KLF15: variants seen among roughly 807,000 people sequenced by gnomAD.
KLF15 encodes KLF transcription factor 15, also known as Krueppel-like factor 15.
Under a neutral mutation model 24.6 loss-of-function variants are expected in KLF15, and 4 were observed. That is an observed-to-expected ratio of 0.16 (90% confidence interval 0.08 to 0.37). The LOEUF (loss-of-function observed/expected upper bound fraction) is 0.37. Among genes scored for constraint, KLF15 ranks in the 10% least tolerant of loss-of-function variants. KLF15 has a pLI of 1.00. For synonymous variants in KLF15, 246 were observed against 236.3 expected, an observed-to-expected ratio of 1.04 and a Z score of -0.37; for missense variants, 496 against 560.6, an observed-to-expected ratio of 0.88 and a Z score of 1.16.
the KLF15 span, among the ~76,000 whole-genome samples, chr3:126,294,665 GC>G: frequency 1.3e-5 from 2 of 152,050 alleles, no homozygotes; most frequent in Non-Finnish European, 2.9e-5. Flanking sequence ...CTCTAACTTT[GC>G]CCCATCTCTG....
chr3:126,315,508 G>A, the KLF15 span, among the ~76,000 whole-genome samples: 1 of 152,238 alleles, frequency 6.6e-6, no homozygotes, highest in South Asian at 2.1e-4. Context: ...GAAGTTCCCA[G>A]ACATTGGGAT....
At chr3:126,295,028 G>C in the KLF15 span, among the ~76,000 whole-genome samples, 1 of 151,932 alleles carries the variant, frequency 6.6e-6, no homozygotes, top group Non-Finnish European at 1.5e-5. Flanking sequence ...ACATACACAT[G>C]TGCACATATA....
chr3:126,322,662 A>G, the KLF15 span, among the ~76,000 whole-genome samples: 1 of 152,172 alleles, frequency 6.6e-6, no homozygotes, highest in Non-Finnish European at 1.5e-5. Flanking sequence ...CTCAATTGTG[A>G]AGGTCCACCA....
downstream of KLF15, among the ~76,000 whole-genome samples, chr3:126,340,460 G>A (rs2082471671): frequency 6.6e-6 from 1 of 152,250 alleles, no homozygotes; most frequent in Non-Finnish European, 1.5e-5. Flanking sequence ...AGTCTGCTGT[G>A]CCAGCCCAGG....
the KLF15 span, among the ~76,000 whole-genome samples, chr3:126,308,638 CAG>C: frequency 6.6e-6 from 1 of 152,188 alleles, no homozygotes; most frequent in African/African-American, 2.4e-5. Context: ...GAAGGCCTCA[CAG>C]GGGCATTTTC....
At chr3:126,354,150 G>C (rs2082612096) in intron 1 of KLF15, 2 of 152,350 alleles carry the variant, frequency 1.3e-5, no homozygotes, top group Admixed American at 1.3e-4. Flanking sequence ...AGAAGGGAAA[G>C]CTGCATCCTC....
Position 126,343,640 on chromosome 3 carries a change from C to G in KLF15, c.*87G>C. Reference sequence around the variant, plus strand: ...GGGCTGGTAACATTGCCATGTCCCTCTGGAGGAGGCAAATAAATTATTGCT... The same window carrying G: ...GGGCTGGTAACATTGCCATGTCCCTGTGGAGGAGGCAAATAAATTATTGCT... On this transcript the variant is annotated 3_prime_UTR_variant, in exon 3 of 3. Transcript: ENST00000296233. 4 of 1,363,226 alleles carry G rather than the reference C, an allele frequency of 2.9e-6. No individual in the cohort carries two copies. The highest frequency in any genetic ancestry group is 4.1e-6 in the Non-Finnish European group (4 of 981,590). 84.4% of individuals were successfully genotyped at this position (1,363,226 alleles called of 1,614,324 possible). A position where few individuals can be genotyped will look rare whatever the true frequency, so the allele number is the denominator to read the frequency against.
chr3:126,349,037 G>A (rs1005841306), intron 2 of KLF15, among the ~76,000 whole-genome samples: 1 of 152,084 alleles, frequency 6.6e-6, no homozygotes, highest in African/African-American at 2.4e-5. Context: ...AGACCCAGCT[G>A]CCCCAAAGCG....
At chr3:126,288,870 A>C in the KLF15 span, 1 of 152,224 alleles carries the variant, frequency 6.6e-6, no homozygotes. Context: ...AAATCTATAA[A>C]TTCAGTTCAA....
At position 126,356,045 on chromosome 3, in the gene KLF15, C is replaced by T. The variant is rs1455825466; in HGVS notation, c.-26+1192G>A. Among the ~76,000 whole-genome samples, 1 of 152,322 alleles carries T rather than the reference C, an allele frequency of 6.6e-6. No homozygotes were observed. Among genetic ancestry groups the T allele is most frequent in the East Asian group, 1.9e-4 (1 of 5,164 alleles). ...GACTCCGCCCCCTCCCCTGGCCCGG[C>T]CAGGCCTGCTGTTTATCCTCCCGGG... On this transcript the variant is annotated intron_variant, in intron 1 of 2. Transcript: ENST00000296233. The surrounding 1 kb of genome is among the most constrained non-coding windows in gnomAD (Gnocchi z 4.4).
chr3:126,297,554 C>T, the KLF15 span, among the ~76,000 whole-genome samples: 1 of 152,128 alleles, frequency 6.6e-6, no homozygotes, highest in Non-Finnish European at 1.5e-5. Context: ...GAACCCATCA[C>T]CCAAACAGTG....
At chr3:126,299,857 G>A in the KLF15 span, among the ~76,000 whole-genome samples, 1 of 151,658 alleles carries the variant, frequency 6.6e-6, no homozygotes, top group African/African-American at 2.4e-5. Flanking sequence ...CAAGGAGAGA[G>A]GCCTCAGGAG....
At chr3:126,314,566 C>T in the KLF15 span, among the ~76,000 whole-genome samples, 308 of 152,320 alleles carry the variant, frequency 2.0e-3, no homozygotes, top group Non-Finnish European at 3.9e-3. Flanking sequence ...GCCTCCCACA[C>T]CTCTGTGCCC....
At chr3:126,327,486 A>G in the KLF15 span, among the ~76,000 whole-genome samples, 2 of 152,234 alleles carry the variant, frequency 1.3e-5, no homozygotes, top group Non-Finnish European at 2.9e-5. Flanking sequence ...GCAAGAGATC[A>G]TGGGTGCTGT....
intron 1 of KLF15, among the ~76,000 whole-genome samples, chr3:126,355,034 C>A (rs549370212): frequency 6.6e-6 from 1 of 152,264 alleles, no homozygotes; most frequent in Non-Finnish European, 1.5e-5. Flanking sequence ...CCTGCAGGCA[C>A]GGCAAACGTT....
chr3:126,351,732 T>G, intron 2 of KLF15, 109 bp downstream of exon 2: 4 of 399,974 alleles, frequency 1.0e-5, no homozygotes, highest in Non-Finnish European at 1.9e-5. Flanking sequence ...CTCCCTCCCC[T>G]CCCTCATCTA....
chr3:126,290,661 A>G, the KLF15 span: 3 of 152,132 alleles, frequency 2.0e-5, no homozygotes, highest in African/African-American at 4.8e-5. Context: ...CCTCCATTCC[A>G]AGATTACAGA....
intron 1 of KLF15, among the ~76,000 whole-genome samples, chr3:126,355,742 G>A (rs1358706886): frequency 6.6e-6 from 1 of 152,230 alleles, no homozygotes; most frequent in Non-Finnish European, 1.5e-5. Context: ...AAGGTGCGGG[G>A]GAGAGCGGGG....
At chr3:126,302,772 T>A in the KLF15 span, among the ~76,000 whole-genome samples, 1 of 152,160 alleles carries the variant, frequency 6.6e-6, no homozygotes, top group Non-Finnish European at 1.5e-5. Flanking sequence ...CTCCTACTTC[T>A]TACTTATTTG....
Sources: allele counts gnomAD v4.1 joint callset (sites outside exome capture counted in the v4.1 genomes callset), GRCh38; gene constraint gnomAD v4.1.1; non-coding constraint Gnocchi (gnomAD v3.1); transcripts MANE v1.5; gene names NCBI Gene and HGNC (gene_info 2026-07-23, HGNC 2026-07-21).